MFGE8: variants seen among roughly 807,000 people sequenced by gnomAD.
The protein encoded by MFGE8 is lactadherin.
In MFGE8, 34 loss-of-function variants were observed where a neutral mutation model predicts 42.6. The observed-to-expected ratio is 0.80, with a 90% CI of 0.61 to 1.06. The LOEUF (loss-of-function observed/expected upper bound fraction) is 1.06, where lower values mean the gene tolerates loss of function less well. Ranked by LOEUF, MFGE8 falls within the 50% of genes least tolerant of loss-of-function variation. The probability of loss-of-function intolerance (pLI) is 0.00; values close to 1 mark genes in which losing one functional copy is unlikely to be tolerated. For missense variants in MFGE8, 510 were observed against 516.9 expected (o/e 0.99, Z 0.13); for synonymous variants, 230 against 214.8 (o/e 1.07, Z -0.62).
rs753956132 is a variant in MFGE8 at position 88,907,383 on chromosome 15, G to T, written c.206-7C>A. On this transcript the variant is annotated splice_region_variant and splice_polypyrimidine_tract_variant and intron_variant, in intron 2 of 7. Transcript: ENST00000268150. ...CCCAGTGGCTCGACACATTCTGAGGGAAGGGAGGTGGCAGTCAGGTGGCTA... is the reference window on the plus strand; with the variant it reads ...CCCAGTGGCTCGACACATTCTGAGGTAAGGGAGGTGGCAGTCAGGTGGCTA... The T allele has an allele frequency of 6.2e-7, 1 of 1,614,114 alleles. No individual in the cohort carries two copies. Among genetic ancestry groups the T allele is most frequent in the Admixed American group, 1.7e-5 (1 of 60,022 alleles).
At chr15:88,907,442 G>A in intron 2 of MFGE8, 66 bp from the exon 3 acceptor site, 3 of 1,467,478 alleles carry the variant, frequency 2.0e-6, no homozygotes, top group Admixed American at 1.7e-5. Context: ...CTGGGACCCA[G>A]CGGACAAGAA....
chr15:88,901,319 TCA>T lies in MFGE8; in HGVS notation c.870+230_870+231del, dbSNP rs780002621. Among the ~76,000 whole-genome samples the T allele has an allele frequency of 2.0e-3, 285 of 139,126 alleles. 2 individuals carry two copies. The highest frequency in any genetic ancestry group is 6.8e-3 in the African/African-American group (257 of 37,938). 91.3% of individuals were successfully genotyped at this position (139,126 alleles called of 152,430 possible). On this transcript the variant is annotated intron_variant, in intron 6 of 7. Transcript: ENST00000268150. ...CATTCACACACTCACACACACACAT[TCA>T]CACACACACACACATACACACACAC...
intron 1 of MFGE8, among the ~76,000 whole-genome samples, chr15:88,911,276 C>T (rs992198829): frequency 1.3e-5 from 2 of 152,170 alleles, no homozygotes; most frequent in Non-Finnish European, 2.9e-5. Context: ...TGGTGGAGAA[C>T]ACAGGAGAAG....
rs1898735574 is a variant in MFGE8, at chr15:88,907,312, A to T, written c.270T>A (p.Ser90=). 2 of 1,614,090 alleles carry T rather than the reference A, an allele frequency of 1.2e-6. No individual in the cohort carries two copies. The highest frequency in any genetic ancestry group is 8.5e-7 in the Non-Finnish European group (1 of 1,180,042). ...GCAAACCCAAGAAGGTCACACGCACAGACGAGGCGGCGATCTGTGAGTTGG... is the reference window on the plus strand; with the variant it reads ...GCAAACCCAAGAAGGTCACACGCACTGACGAGGCGGCGATCTGTGAGTTGG... ...NIANSQIAAS[S]VRVTFLGLQH... Residue 90 remains serine (S), a synonymous_variant, in exon 3 of 8, where the codon TCT becomes TCA. Transcript: ENST00000268150.
chr15:88,907,711 C>CCA (rs770816926), intron 2 of MFGE8, among the ~76,000 whole-genome samples: 10 of 151,364 alleles, frequency 6.6e-5, no homozygotes, highest in East Asian at 1.9e-4. Context: ...TAGAGTCCCC[C>CCA]CCGCCAGGCT....
chr15:88,905,703 C>A lies in MFGE8; in HGVS notation c.685+54G>T. On this transcript the variant is annotated intron_variant, in intron 5 of 7. Coordinates refer to ENST00000268150, the MANE Select transcript of MFGE8 (RefSeq NM_005928.4). The surrounding 1 kb of genome is among the most constrained non-coding windows in gnomAD (Gnocchi z 6.6). ...CTGAGAAAAGAGGCAGCAGGGAGGGCCACCTCCTAGGATTGGCCAACAGTG... is the reference window on the plus strand; with the variant it reads ...CTGAGAAAAGAGGCAGCAGGGAGGGACACCTCCTAGGATTGGCCAACAGTG... 6.2e-7 allele frequency: 1 copy of A among 1,611,124 alleles called. No homozygotes were observed. Among genetic ancestry groups the A allele is most frequent in the East Asian group, 2.2e-5 (1 of 44,848 alleles).
At chr15:88,907,459 A>T (rs1898746284) in intron 2 of MFGE8, 83 bp from the exon 3 acceptor site, 2 of 1,276,326 alleles carry the variant, frequency 1.6e-6, no homozygotes, top group African/African-American at 1.5e-5. Flanking sequence ...AGAAAATAAG[A>T]CTGTATGACC....
intron 6 of MFGE8, 24 bp downstream of exon 6, chr15:88,901,527 C>CCCA: frequency 3.4e-6 from 5 of 1,490,756 alleles, no homozygotes; most frequent in Non-Finnish European, 3.7e-6. Context: ...ACCCCAGCCC[C>CCCA]ATATCCCAAG....
chr15:88,902,312 A>T lies in MFGE8; in HGVS notation c.686-577T>A, dbSNP rs891803183. ...CCCATTCTATAGATGAGAAAACTGA[A>T]AGACATTAAGCATCATGCTCAAGTC... On this transcript the variant is annotated intron_variant, in intron 5 of 7. Transcript: ENST00000268150. This position sits in a 1 kb window ranked among gnomAD's most constrained non-coding sequence, Gnocchi z 4.3. 1.9e-5 allele frequency: 3 copies of T among 159,686 alleles called. No individual in the cohort carries two copies. Among genetic ancestry groups the T allele is most frequent in the Non-Finnish European group, 4.2e-5 (3 of 71,986 alleles). 9.9% of individuals were successfully genotyped at this position (159,686 alleles called of 1,614,324 possible).
At chr15:88,904,115 G>T (rs1898556799) in intron 5 of MFGE8, 1 of 152,260 alleles carries the variant, frequency 6.6e-6, no homozygotes, top group African/African-American at 2.4e-5. Flanking sequence ...CTTCAGAGCT[G>T]TTACTGCTCT....
intron 6 of MFGE8, among the ~76,000 whole-genome samples, chr15:88,901,003 TCACACA>T (rs72223129): frequency 4.2e-5 from 3 of 72,222 alleles, no homozygotes; most frequent in Non-Finnish European, 1.1e-4. Flanking sequence ...ACACACACAT[TCACACA>T]CACACACACA....
intron 6 of MFGE8, chr15:88,900,780 G>C (rs139458867): frequency 2.6e-5 from 26 of 984,412 alleles, no homozygotes; most frequent in Non-Finnish European, 3.1e-5. Context: ...GACAGACAAG[G>C]GCTGTCACAT....
Position 88,906,208 on chromosome 15 carries a change from C to G in MFGE8, c.541-307G>C, listed in dbSNP as rs1898667934. 1 of 496,014 alleles carries G rather than the reference C, an allele frequency of 2.0e-6. No homozygotes were observed. The highest frequency in any genetic ancestry group is 1.9e-5 in the African/African-American group (1 of 51,758). The allele number at this position is 496,014 out of a possible 1,614,324, so 30.7% of individuals were successfully genotyped here. ...GCAAATTAGGAAAAGGCACTCCTTT[C>G]TCAAATAGTTTATTATGACAATTTT... On this transcript the variant is annotated intron_variant, in intron 4 of 7. Coordinates refer to ENST00000268150, the MANE Select transcript of MFGE8 (RefSeq NM_005928.4). This position sits in a 1 kb window ranked among gnomAD's most constrained non-coding sequence, Gnocchi z 4.2.
Position 88,899,570 on chromosome 15 carries a change from GC to G in MFGE8, c.1027-39del, listed in dbSNP as rs1898264252. The G allele has an allele frequency of 6.2e-7, 1 of 1,614,118 alleles. No individual in the cohort carries two copies. Among genetic ancestry groups the G allele is most frequent in the Non-Finnish European group, 8.5e-7 (1 of 1,180,022 alleles). ...CGGGTGTCAGGAGGACCCCGAGCCA[GC>G]CCCCCTCCCCTCAGAGCCCCAGGCC... On this transcript the variant is annotated intron_variant, in intron 7 of 7. Coordinates refer to ENST00000268150, the MANE Select transcript of MFGE8 (RefSeq NM_005928.4). The surrounding 1 kb of genome is among the most constrained non-coding windows in gnomAD (Gnocchi z 6.8).
At position 88,906,409 on chromosome 15, in the gene MFGE8, T is replaced by C. The variant is rs1179464560; in HGVS notation, c.540+217A>G. The C allele has an allele frequency of 3.5e-6, 2 of 577,690 alleles. No individual in the cohort carries two copies. Among genetic ancestry groups the C allele is most frequent in the African/African-American group, 1.9e-5 (1 of 53,570 alleles). The allele number at this position is 577,690 out of a possible 1,614,324, so 35.8% of individuals were successfully genotyped here. A position where few individuals can be genotyped will look rare whatever the true frequency, so the allele number is the denominator to read the frequency against. ...ACAGGTCACTGTGCCATTTTGAATC[T>C]CACTAGTCTCATCTCTAAAGTGGGA... is the stretch of plus-strand genomic sequence containing the variant. On this transcript the variant is annotated intron_variant, in intron 4 of 7. Transcript: ENST00000268150. This position sits in a 1 kb window ranked among gnomAD's most constrained non-coding sequence, Gnocchi z 4.2.
chr15:88,903,652 T>A lies in MFGE8; in HGVS notation c.686-1917A>T, dbSNP rs1382453007. On this transcript the variant is annotated intron_variant, in intron 5 of 7. Transcript: ENST00000268150. The surrounding 1 kb of genome is among the most constrained non-coding windows in gnomAD (Gnocchi z 4.9). ...ACAGGCACCTGCCACCACGCCTGGC[T>A]AATTTTTGTATTTTTTTAGTAGAGA... 1 of 152,170 alleles carries A rather than the reference T, an allele frequency of 6.6e-6. No individual in the cohort carries two copies. Among genetic ancestry groups the A allele is most frequent in the East Asian group, 1.9e-4 (1 of 5,176 alleles). 9.4% of individuals were successfully genotyped at this position (152,170 alleles called of 1,614,324 possible). A position where few individuals can be genotyped will look rare whatever the true frequency, so the allele number is the denominator to read the frequency against.
At chr15:88,904,218 G>A (rs914481835) in intron 5 of MFGE8, 7 of 152,238 alleles carry the variant, frequency 4.6e-5, no homozygotes, top group South Asian at 2.1e-4. Context: ...AAGCACCCAG[G>A]AGGGGCTTAA....
At chr15:88,910,738 A>T (rs1185588555) in intron 1 of MFGE8, 1 of 153,436 alleles carries the variant, frequency 6.5e-6, no homozygotes, top group Non-Finnish European at 1.4e-5. Flanking sequence ...GCAGATGCAC[A>T]GAGGGTGTGG....
chr15:88,907,587 G>A (rs980651647), intron 2 of MFGE8, among the ~76,000 whole-genome samples: 1 of 152,166 alleles, frequency 6.6e-6, no homozygotes, highest in Non-Finnish European at 1.5e-5. Flanking sequence ...GTGGCCAGGG[G>A]TGGTGAGGAT....
Sources: allele counts gnomAD v4.1 joint callset (sites outside exome capture counted in the v4.1 genomes callset), GRCh38; gene constraint gnomAD v4.1.1; non-coding constraint Gnocchi (gnomAD v3.1); transcripts MANE v1.5; gene names NCBI Gene and HGNC (gene_info 2026-07-23, HGNC 2026-07-21).